The following LPCAT3 variants were observed in gnomAD, a reference collection of about 807,000 sequenced individuals.
LPCAT3 encodes the protein lysophosphatidylcholine acyltransferase 3.
In LPCAT3, 21 loss-of-function variants were observed where a neutral mutation model predicts 63.4. The ratio of observed to expected loss-of-function variants is 0.33; its 90% confidence interval spans 0.23 to 0.48. The LOEUF is 0.48. LPCAT3 is among the 20% of genes least tolerant of loss of function. The pLI, the probability that LPCAT3 is intolerant of heterozygous loss-of-function variation, is 0.99. For missense variants in LPCAT3, 451 were observed against 590.6 expected, an observed-to-expected ratio of 0.76 and a Z score of 2.45; for synonymous variants, 242 against 227.5, an observed-to-expected ratio of 1.06 and a Z score of -0.58.
chr12:7,012,037 T>C (rs893408029), intron 1 of LPCAT3, among the ~76,000 whole-genome samples: 1 of 152,208 alleles, frequency 6.6e-6, no homozygotes, highest in Non-Finnish European at 1.5e-5. Context: ...CTGCAGGACC[T>C]CCTTTGATTT....
In LPCAT3 at chr12:6,977,533, G is replaced by A. The variant is rs782462102; in HGVS notation, c.1189-8C>T. Reference sequence around the variant, plus strand: ...TTGAATGAGCCTGGCAGCCTGGGGAGGGAGGAGGAGCTCATCAGCATCTTG... The same window carrying A: ...TTGAATGAGCCTGGCAGCCTGGGGAAGGAGGAGGAGCTCATCAGCATCTTG... On this transcript the variant is annotated splice_region_variant and splice_polypyrimidine_tract_variant and intron_variant, in intron 10 of 12. Coordinates refer to ENST00000261407, the MANE Select transcript of LPCAT3 (RefSeq NM_005768.6). The surrounding 1 kb of genome is among the most constrained non-coding windows in gnomAD (Gnocchi z 4.5). 1 of 1,614,170 alleles carries A rather than the reference G, an allele frequency of 6.2e-7. No homozygotes were observed. Among genetic ancestry groups the A allele is most frequent in the Non-Finnish European group, 8.5e-7 (1 of 1,180,032 alleles).
At chr12:7,010,926 T>C (rs782258898) in intron 1 of LPCAT3, among the ~76,000 whole-genome samples, 6 of 152,292 alleles carry the variant, frequency 3.9e-5, no homozygotes, top group Non-Finnish European at 7.4e-5. Context: ...CAGTCTCAAA[T>C]TCCTGGGCTC....
chr12:6,981,722 G>C (rs112093579), intron 4 of LPCAT3, 89 bp downstream of exon 4: 5 of 1,385,948 alleles, frequency 3.6e-6, no homozygotes, highest in Middle Eastern at 3.6e-4. Context: ...AGTGTATGGC[G>C]GGGGGCGGAG....
At chr12:6,988,822 C>G (rs1428092127) in intron 1 of LPCAT3, among the ~76,000 whole-genome samples, 6 of 152,076 alleles carry the variant, frequency 3.9e-5, no homozygotes, top group Non-Finnish European at 5.9e-5. Context: ...TTGTAACAAC[C>G]CAGAGGTTTG....
At chr12:7,015,459 A>G (rs144229127) in intron 1 of LPCAT3, among the ~76,000 whole-genome samples, 49 of 152,348 alleles carry the variant, frequency 3.2e-4, no homozygotes, top group Non-Finnish European at 5.0e-4. Context: ...CTAGGTTACA[A>G]TACACAGAAA....
In LPCAT3 at chr12:7,017,446, G is replaced by C. The variant is rs1053863092; in HGVS notation, c.151+828C>G. On this transcript the variant is annotated intron_variant, in intron 1 of 12. Transcript: ENST00000261407. The surrounding 1 kb of genome is among the most constrained non-coding windows in gnomAD (Gnocchi z 4.1). ...TGTGAGCAGCAACAAGGCTGGATCT[G>C]ATTTGTTTGCCTTCAAAACCCATAC... 6.6e-6 allele frequency among the ~76,000 whole-genome samples: 1 copy of C among 152,112 alleles called. No individual in the cohort carries two copies. The highest frequency in any genetic ancestry group is 6.6e-5 in the Admixed American group (1 of 15,264).
chr12:6,978,217 G>A, intron 9 of LPCAT3, 124 bp downstream of exon 9: 1 of 1,169,830 alleles, frequency 8.5e-7, no homozygotes, highest in Non-Finnish European at 1.2e-6. Context: ...GTCAGTGTGA[G>A]CGACAGGGGG....
At chr12:6,996,190 G>A (rs775919631) in intron 1 of LPCAT3, among the ~76,000 whole-genome samples, 200 of 152,276 alleles carry the variant, frequency 1.3e-3, no homozygotes, top group Non-Finnish European at 2.4e-3. Flanking sequence ...TTCCCTTCCT[G>A]GAATGTTAAG....
rs1251066388 is a variant in LPCAT3, at chr12:7,018,188, C to T, written c.151+86G>A. The stretch of plus-strand genomic sequence containing the variant: ...CCGGCACAGCCCTCCCGGGTGGCTC[C>T]GGGAAGAGAGGGAGGTCCTGTCCCC... On this transcript the variant is annotated intron_variant, in intron 1 of 12. Transcript: ENST00000261407. This position sits in a 1 kb window ranked among gnomAD's most constrained non-coding sequence, Gnocchi z 4.9. The T allele has an allele frequency of 2.0e-6, 3 of 1,509,052 alleles. No homozygotes were observed. The highest frequency in any genetic ancestry group is 2.4e-5 in the South Asian group (2 of 82,884). The allele number at this position is 1,509,052 out of a possible 1,614,324, so 93.5% of individuals were successfully genotyped here.
chr12:7,014,051 C>T (rs1946782255), intron 1 of LPCAT3, among the ~76,000 whole-genome samples: 1 of 152,258 alleles, frequency 6.6e-6, no homozygotes, highest in Non-Finnish European at 1.5e-5. Context: ...TGCCTCTGCT[C>T]ATGCTATTCC....
chr12:6,993,541 A>G (rs781949387), intron 1 of LPCAT3, among the ~76,000 whole-genome samples: 8 of 152,004 alleles, frequency 5.3e-5, no homozygotes, highest in Non-Finnish European at 1.2e-4. Context: ...GTCATTTCCC[A>G]TTCTCTCTTA....
chr12:7,015,767 T>G (rs1946793758), intron 1 of LPCAT3, among the ~76,000 whole-genome samples: 2 of 152,066 alleles, frequency 1.3e-5, no homozygotes, highest in South Asian at 4.1e-4. Context: ...GGTAGATGCA[T>G]TACACCAAGT....
At chr12:7,008,865 T>C (rs781858354) in intron 1 of LPCAT3, among the ~76,000 whole-genome samples, 3 of 152,130 alleles carry the variant, frequency 2.0e-5, no homozygotes, top group Non-Finnish European at 4.4e-5. Flanking sequence ...GTGAACATAA[T>C]AACAATGTGA....
chr12:6,977,012 T>A lies in LPCAT3; in HGVS notation c.*13-121A>T. The A allele has an allele frequency of 1.4e-6, 1 of 694,564 alleles. No individual in the cohort carries two copies. The highest frequency in any genetic ancestry group is 2.6e-6 in the Non-Finnish European group (1 of 388,958). The allele number at this position is 694,564 out of a possible 1,614,324, so 43.0% of individuals were successfully genotyped here. A position where few individuals can be genotyped will look rare whatever the true frequency, so the allele number is the denominator to read the frequency against. On this transcript the variant is annotated intron_variant, in intron 12 of 12. Transcript: ENST00000261407. The surrounding 1 kb of genome is among the most constrained non-coding windows in gnomAD (Gnocchi z 4.5). ...CACAGTAGTCATTGCCCATACTGTG[T>A]TCCTTAGTAGCCAGGCTAATCCTTG...
At chr12:7,011,217 G>A (rs996793411) in intron 1 of LPCAT3, among the ~76,000 whole-genome samples, 18 of 152,084 alleles carry the variant, frequency 1.2e-4, no homozygotes, top group African/African-American at 4.1e-4. Context: ...TTCACTTTTT[G>A]TAGAGATGAG....
At chr12:6,983,846 A>G (rs1946496468) in intron 1 of LPCAT3, among the ~76,000 whole-genome samples, 3 of 152,224 alleles carry the variant, frequency 2.0e-5, no homozygotes, top group Admixed American at 2.0e-4. Flanking sequence ...TGAATTTTAA[A>G]AAATGATACA....
At chr12:6,986,057 G>A (rs1316011816) in intron 1 of LPCAT3, among the ~76,000 whole-genome samples, 4 of 151,592 alleles carry the variant, frequency 2.6e-5, no homozygotes, top group Non-Finnish European at 5.9e-5. Context: ...TTACAGGCGT[G>A]AGCCACCACG....
At chr12:6,986,844 G>C (rs1467889764) in intron 1 of LPCAT3, among the ~76,000 whole-genome samples, 1 of 151,518 alleles carries the variant, frequency 6.6e-6, no homozygotes, top group Non-Finnish European at 1.5e-5. Flanking sequence ...GCCGGGTGCG[G>C]CAGCTCACAC....
chr12:6,993,791 T>G (rs1946610267), intron 1 of LPCAT3, among the ~76,000 whole-genome samples: 1 of 152,200 alleles, frequency 6.6e-6, no homozygotes, highest in African/African-American at 2.4e-5. Context: ...TTTAAAAATT[T>G]TTTATAGACA....
Sources: gnomAD v4.1 joint callset for allele counts (sites outside exome capture counted in the v4.1 genomes callset) on GRCh38, gnomAD v4.1.1 for gene constraint, Gnocchi (gnomAD v3.1) non-coding constraint, MANE v1.5 for transcripts, NCBI Gene and HGNC (gene_info 2026-07-23, HGNC 2026-07-21) for gene names.